The following ZNF438 variants were observed in gnomAD, a reference collection of about 807,000 sequenced individuals.
ZNF438 encodes zinc finger protein 438.
ZNF438 carries 25 observed loss-of-function variants against 38.0 expected under a neutral mutation model. The observed-to-expected ratio is 0.66, with a 90% CI of 0.48 to 0.92. ZNF438 has a LOEUF of 0.92. Among genes scored for constraint, ZNF438 ranks in the 40% least tolerant of loss-of-function variants. ZNF438 has a pLI of 0.00. For synonymous variants in ZNF438, 372 were observed against 364.1 expected, an observed-to-expected ratio of 1.02 and a Z score of -0.25; for missense variants, 1,007 against 999.6, an observed-to-expected ratio of 1.01 and a Z score of -0.10.
intron 1 of ZNF438, among the ~76,000 whole-genome samples, chr10:31,029,066 T>C (rs1301972869): frequency 6.6e-6 from 1 of 152,194 alleles, no homozygotes; most frequent in Non-Finnish European, 1.5e-5. Context: ...ATACTCAACA[T>C]GTTCACTCGG....
intron 1 of ZNF438, among the ~76,000 whole-genome samples, chr10:30,963,410 A>G (rs947935513): frequency 4.4e-4 from 66 of 149,086 alleles, no homozygotes; most frequent in Non-Finnish European, 8.6e-4. Flanking sequence ...AAAAAAAAAA[A>G]AAAGAAACTT....
intron 1 of ZNF438, among the ~76,000 whole-genome samples, chr10:30,954,524 G>T (rs1356501836): frequency 6.6e-6 from 1 of 152,148 alleles, no homozygotes; most frequent in African/African-American, 2.4e-5. Flanking sequence ...TCAGTTCTAA[G>T]AATCTTAAGA....
chr10:30,890,792 G>A (rs775026204), intron 3 of ZNF438, among the ~76,000 whole-genome samples: 6 of 152,144 alleles, frequency 3.9e-5, no homozygotes, highest in Non-Finnish European at 5.9e-5. Flanking sequence ...GATTCTTCCA[G>A]CATTTAGACC....
intron 5 of ZNF438, among the ~76,000 whole-genome samples, chr10:30,847,587 G>A (rs750805207): frequency 4.0e-4 from 60 of 149,676 alleles, no homozygotes; most frequent in Non-Finnish European, 6.1e-4. Flanking sequence ...GCTGAAACAC[G>A]CCTCTTGCTT....
Position 30,898,617 on chromosome 10 carries a change from C to T in ZNF438, c.-32+10316G>A, listed in dbSNP as rs115998334. Among the ~76,000 whole-genome samples the T allele has an allele frequency of 5.6e-3, 845 of 151,940 alleles. 12 individuals carry two copies. The highest frequency in any genetic ancestry group is 0.019 in the African/African-American group (808 of 41,440). On this transcript the variant is annotated intron_variant, in intron 3 of 5. Coordinates refer to ENST00000413025, the Ensembl canonical transcript of ZNF438. Reference sequence around the variant, plus strand: ...CTATTTTTATACTAAAAATAATAACCGTTCTAAAAGGGGGGGAACGCTTAG... The same window carrying T: ...CTATTTTTATACTAAAAATAATAACTGTTCTAAAAGGGGGGGAACGCTTAG...
In ZNF438 at chr10:30,850,439, A is replaced by G. The variant is rs145572769; in HGVS notation, c.38-72T>C. ...GTTAGTGATACTTCAAACAACAAGC[A>G]TCTTATTTACTCTGCCCAGAACAGA... is the stretch of plus-strand genomic sequence containing the variant. On this transcript the variant is annotated intron_variant, in intron 4 of 5. Coordinates refer to ENST00000413025, the Ensembl canonical transcript of ZNF438. 110 of 1,509,598 alleles carry G rather than the reference A, an allele frequency of 7.3e-5. 3 individuals are homozygous for G. In the African/African-American group the frequency reaches 9.0e-4, roughly 12 times the overall value. The allele number at this position is 1,509,598 out of a possible 1,614,324, so 93.5% of individuals were successfully genotyped here.
At chr10:31,024,398 G>T (rs1438310722) in intron 1 of ZNF438, among the ~76,000 whole-genome samples, 1 of 152,148 alleles carries the variant, frequency 6.6e-6, no homozygotes, top group Non-Finnish European at 1.5e-5. Context: ...AGGTGAAGGC[G>T]GGCGGATCAC....
intron 4 of ZNF438, among the ~76,000 whole-genome samples, chr10:30,862,902 G>A (rs2035820302): frequency 1.3e-5 from 2 of 152,174 alleles, no homozygotes; most frequent in Non-Finnish European, 2.9e-5. Flanking sequence ...TCAAAAGTAA[G>A]TTCACTTTAT....
At chr10:30,955,283 T>G (rs990780576) in intron 1 of ZNF438, among the ~76,000 whole-genome samples, 2 of 152,224 alleles carry the variant, frequency 1.3e-5, no homozygotes, top group East Asian at 3.8e-4. Context: ...TGTGACCAGA[T>G]AGTGGACTGT....
chr10:30,862,997 GC>G (rs2035836268), intron 4 of ZNF438, among the ~76,000 whole-genome samples: 1 of 152,210 alleles, frequency 6.6e-6, no homozygotes, highest in Non-Finnish European at 1.5e-5. Flanking sequence ...TTTTACAGAT[GC>G]TTTATCTTCA....
At chr10:30,996,399 A>G (rs2054052976) in intron 1 of ZNF438, among the ~76,000 whole-genome samples, 1 of 152,148 alleles carries the variant, frequency 6.6e-6, no homozygotes, top group Non-Finnish European at 1.5e-5. Flanking sequence ...AAATAGGTTG[A>G]AAGTAAAAGC....
intron 1 of ZNF438, among the ~76,000 whole-genome samples, chr10:31,009,013 C>A (rs1050618228): frequency 2.6e-5 from 4 of 152,172 alleles, no homozygotes; most frequent in Admixed American, 2.6e-4. Context: ...TGAGTGACAA[C>A]GTTGAGCATC....
At chr10:31,027,474 T>C (rs2057017405) in intron 1 of ZNF438, among the ~76,000 whole-genome samples, 1 of 152,016 alleles carries the variant, frequency 6.6e-6, no homozygotes, top group Non-Finnish European at 1.5e-5. Context: ...GTCCTGTTGT[T>C]TTCAGATAGA....
chr10:31,009,711 C>T (rs991217285), intron 1 of ZNF438, among the ~76,000 whole-genome samples: 11 of 152,158 alleles, frequency 7.2e-5, no homozygotes, highest in Admixed American at 3.9e-4. Flanking sequence ...TCAGAGGAAG[C>T]ATTACAAAGC....
chr10:30,896,957 A>C (rs965461869), intron 3 of ZNF438, among the ~76,000 whole-genome samples: 2 of 152,338 alleles, frequency 1.3e-5, no homozygotes, highest in East Asian at 1.9e-4. Context: ...TTATGTGGCA[A>C]GTCTTTTAAC....
chr10:30,961,051 T>C (rs1214421988), intron 1 of ZNF438, among the ~76,000 whole-genome samples: 2 of 144,848 alleles, frequency 1.4e-5, no homozygotes, highest in East Asian at 3.9e-4. Flanking sequence ...TAGACAATGA[T>C]GGCATAGTAT....
At chr10:30,996,443 G>A (rs940120740) in intron 1 of ZNF438, among the ~76,000 whole-genome samples, 1 of 151,770 alleles carries the variant, frequency 6.6e-6, no homozygotes, top group African/African-American at 2.4e-5. Context: ...AAAAGAATCA[G>A]GCAAAATACA....
intron 4 of ZNF438, among the ~76,000 whole-genome samples, chr10:30,867,959 A>C (rs1014859302): frequency 6.6e-6 from 1 of 152,226 alleles, no homozygotes; most frequent in Non-Finnish European, 1.5e-5. Flanking sequence ...TTTATGGAGT[A>C]TAAGTTATAT....
In ZNF438 at chr10:30,946,719, T is replaced by C. The variant is rs950747874; in HGVS notation, c.-191-5068A>G. 3.3e-5 allele frequency among the ~76,000 whole-genome samples: 5 copies of C among 152,364 alleles called. No individual in the cohort carries two copies. The East Asian group carries it at 5.8e-4, about 18-fold the overall frequency. ...ATATTTAGATCATTTAAACTTAATG[T>C]AATTATTTATATGGTTGGATCTGAA... On this transcript the variant is annotated intron_variant, in intron 1 of 5. Coordinates refer to ENST00000413025, the Ensembl canonical transcript of ZNF438.
Sources: gnomAD v4.1 joint callset for allele counts (sites outside exome capture counted in the v4.1 genomes callset) on GRCh38, gnomAD v4.1.1 for gene constraint, MANE v1.5 for transcripts, NCBI Gene and HGNC (gene_info 2026-07-23, HGNC 2026-07-21) for gene names.